CALN1: variants seen among roughly 807,000 people sequenced by gnomAD.
CALN1 encodes the protein calneuron 1.
CALN1 carries 17 observed loss-of-function variants against 30.6 expected under a neutral mutation model. The ratio of observed to expected loss-of-function variants is 0.56; its 90% CI spans 0.38 to 0.83. The LOEUF (loss-of-function observed/expected upper bound fraction) is 0.83, where lower values mean the gene tolerates loss of function less well. Ranked by LOEUF, CALN1 falls within the 40% of genes least tolerant of loss-of-function variation. CALN1 has a pLI of 0.00. For missense variants in CALN1, 291 were observed against 354.9 expected (o/e 0.82, Z 1.45); for synonymous variants, 156 against 131.4 (o/e 1.19, Z -1.28).
rs55667543 is a variant in CALN1 at position 71,795,814 on chromosome 7, C to CTT, written c.659-7914_659-7913dup. Among the ~76,000 whole-genome samples the CTT allele has an allele frequency of 8.2e-3, 811 of 98,482 alleles. 18 individuals carry two copies. Among genetic ancestry groups the CTT allele is most frequent in the East Asian group, 0.032 (83 of 2,568 alleles). The allele number at this position is 98,482 out of a possible 152,430, so 64.6% of individuals were successfully genotyped here. ...ATGTAGCATTTACCAGTACTTCATT[C>CTT]TTTTTTTTTTTTTTTTTTTTTTGAG... On this transcript the variant is annotated intron_variant, in intron 6 of 6. Coordinates refer to ENST00000395275, the MANE Select transcript of CALN1 (RefSeq NM_031468.4).
intron 3 of CALN1, among the ~76,000 whole-genome samples, chr7:72,119,466 G>C (rs1486982454): frequency 1.3e-5 from 2 of 151,394 alleles, no homozygotes; most frequent in African/African-American, 2.4e-5. Context: ...GATGAGATTT[G>C]AGTGAGGACA....
At chr7:72,275,347 C>A (rs1416380304) in intron 3 of CALN1, among the ~76,000 whole-genome samples, 1 of 152,046 alleles carries the variant, frequency 6.6e-6, no homozygotes, top group Non-Finnish European at 1.5e-5. Flanking sequence ...GCAAACTATG[C>A]CCTGGAAACT....
chr7:72,254,602 G>A (rs1441636861), intron 3 of CALN1, among the ~76,000 whole-genome samples: 2 of 152,036 alleles, frequency 1.3e-5, no homozygotes, highest in African/African-American at 2.4e-5. Flanking sequence ...GTGATCAGAG[G>A]CTCAGAGGGC....
At chr7:72,188,213 G>T (rs923077502) in intron 3 of CALN1, among the ~76,000 whole-genome samples, 2 of 152,012 alleles carry the variant, frequency 1.3e-5, no homozygotes, top group East Asian at 3.9e-4. Flanking sequence ...CAAAAATGTG[G>T]AACCAGCCCA....
the CALN1 span, among the ~76,000 whole-genome samples, chr7:72,490,969 G>T: frequency 6.6e-6 from 1 of 152,202 alleles, no homozygotes; most frequent in Non-Finnish European, 1.5e-5. Flanking sequence ...TCAAGGCCGG[G>T]CGCGGTGGCT....
chr7:72,388,356 G>A (rs1454096610), intron 2 of CALN1, among the ~76,000 whole-genome samples: 1 of 151,908 alleles, frequency 6.6e-6, no homozygotes, highest in East Asian at 1.9e-4. Context: ...GTCTTGGAGA[G>A]CAAGGAAAAA....
chr7:72,136,676 T>C (rs1000869981), intron 3 of CALN1, among the ~76,000 whole-genome samples: 3 of 152,238 alleles, frequency 2.0e-5, no homozygotes, highest in Non-Finnish European at 4.4e-5. Context: ...CTATGCTTAA[T>C]CATTTCCAGT....
At chr7:72,472,141 C>T in the CALN1 span, among the ~76,000 whole-genome samples, 6 of 152,132 alleles carry the variant, frequency 3.9e-5, no homozygotes, top group Non-Finnish European at 5.9e-5. Context: ...TGCTCCTCCG[C>T]TTCCAAATCC....
intron 1 of CALN1, among the ~76,000 whole-genome samples, chr7:72,435,028 A>C (rs986789312): frequency 1.3e-5 from 2 of 152,186 alleles, no homozygotes; most frequent in Non-Finnish European, 2.9e-5. Context: ...GGGTTGTGAG[A>C]CCAGCCTGAG....
intron 5 of CALN1, among the ~76,000 whole-genome samples, chr7:71,972,979 C>A (rs1298193084): frequency 6.6e-6 from 1 of 152,122 alleles, no homozygotes; most frequent in Non-Finnish European, 1.5e-5. Flanking sequence ...AATTGCCAGC[C>A]AGGTGAGAGA....
At chr7:72,312,859 C>G (rs1485266964) in intron 2 of CALN1, among the ~76,000 whole-genome samples, 6 of 150,932 alleles carry the variant, frequency 4.0e-5, no homozygotes, top group Non-Finnish European at 8.8e-5. Flanking sequence ...TTGAGATACA[C>G]AGTCTCATTC....
intron 4 of CALN1, among the ~76,000 whole-genome samples, chr7:72,096,076 G>A (rs1237092896): frequency 6.6e-6 from 1 of 151,880 alleles, no homozygotes; most frequent in Admixed American, 6.6e-5. Context: ...TAGATAGATA[G>A]ATAGATAGAT....
chr7:72,114,893 C>T (rs1213280595), intron 3 of CALN1, among the ~76,000 whole-genome samples: 1 of 151,892 alleles, frequency 6.6e-6, no homozygotes, highest in African/African-American at 2.4e-5. Flanking sequence ...ACTTGGGAGG[C>T]TGAGACAGGA....
At chr7:72,178,697 A>AG (rs1789547649) in intron 3 of CALN1, among the ~76,000 whole-genome samples, 1 of 152,060 alleles carries the variant, frequency 6.6e-6, no homozygotes. Context: ...TCAAAAAAAA[A>AG]AAAGAAAGAA....
the CALN1 span, among the ~76,000 whole-genome samples, chr7:72,459,858 C>T: frequency 3.3e-5 from 5 of 152,180 alleles, no homozygotes; most frequent in African/African-American, 4.8e-5. Context: ...CTCCAACCTA[C>T]AGCCTTCTCT....
intron 5 of CALN1, among the ~76,000 whole-genome samples, chr7:72,020,274 C>G (rs1319912575): frequency 6.6e-6 from 1 of 152,026 alleles, no homozygotes; most frequent in African/African-American, 2.4e-5. Context: ...GGGAAAGCAA[C>G]CTTTCTGCTT....
chr7:72,286,567 C>T (rs530250206), intron 2 of CALN1, among the ~76,000 whole-genome samples: 2 of 152,284 alleles, frequency 1.3e-5, no homozygotes, highest in South Asian at 4.1e-4. Context: ...ACATGGTGGG[C>T]ACAAGAAGAT....
chr7:72,462,072 G>C, the CALN1 span, among the ~76,000 whole-genome samples: 5 of 151,840 alleles, frequency 3.3e-5, no homozygotes, highest in African/African-American at 1.2e-4. Flanking sequence ...TAGGACTTTA[G>C]GAGTTGTATG....
intron 2 of CALN1, among the ~76,000 whole-genome samples, chr7:72,312,045 T>C (rs1156830323): frequency 6.6e-6 from 1 of 152,046 alleles, no homozygotes; most frequent in Non-Finnish European, 1.5e-5. Context: ...AAGGATACTG[T>C]TGACATTTCT....
Sources: gnomAD v4.1 joint callset for allele counts (sites outside exome capture counted in the v4.1 genomes callset) on GRCh38, gnomAD v4.1.1 for gene constraint, MANE v1.5 for transcripts, NCBI Gene and HGNC (gene_info 2026-07-23, HGNC 2026-07-21) for gene names.